ADAMTS5: variants seen among roughly 807,000 people sequenced by gnomAD.
ADAMTS5 encodes ADAM metallopeptidase with thrombospondin type 1 motif 5, also known as A disintegrin and metalloproteinase with thrombospondin motifs 5.
ADAMTS5 carries 54 observed loss-of-function variants against 81.4 expected under a neutral mutation model. That is an observed-to-expected ratio of 0.66 (90% CI 0.53 to 0.83). The LOEUF (loss-of-function observed/expected upper bound fraction) is 0.83, where lower values mean the gene tolerates loss of function less well. Among genes scored for constraint, ADAMTS5 ranks in the 40% least tolerant of loss-of-function variants. The pLI, the probability that ADAMTS5 is intolerant of heterozygous loss-of-function variation, is 0.00. For synonymous variants in ADAMTS5, 532 were observed against 508.8 expected (o/e 1.05, Z -0.61); for missense variants, 1,194 against 1,229.9 (o/e 0.97, Z 0.44).
At chr21:26,929,017 G>A (rs991916313) in intron 7 of ADAMTS5, among the ~76,000 whole-genome samples, 2 of 151,966 alleles carry the variant, frequency 1.3e-5, no homozygotes, top group African/African-American at 2.4e-5. Context: ...AATTAGTAAC[G>A]CATATTTTAA....
At chr21:26,956,979 A>T (rs1434464182) in intron 1 of ADAMTS5, among the ~76,000 whole-genome samples, 1 of 152,188 alleles carries the variant, frequency 6.6e-6, no homozygotes, top group Non-Finnish European at 1.5e-5. Context: ...TTTTAACCAC[A>T]CTGATTAAAC....
intron 6 of ADAMTS5, among the ~76,000 whole-genome samples, chr21:26,930,428 A>C (rs1406616223): frequency 6.6e-6 from 1 of 152,230 alleles, no homozygotes; most frequent in African/African-American, 2.4e-5. Context: ...GAATATGAGC[A>C]GGCTTGAGAA....
chr21:26,954,981 C>T, intron 1 of ADAMTS5, 110 bp from the exon 2 acceptor site: 1 of 1,328,204 alleles, frequency 7.5e-7, no homozygotes, highest in Non-Finnish European at 1.0e-6. Flanking sequence ...TTTATGGTAT[C>T]ACCTGTTCCT....
In ADAMTS5 at chr21:26,966,345, G is replaced by T; in HGVS notation, c.47C>A (p.Pro16His). Residue 16 changes from proline (P) to histidine (H), a missense_variant, in exon 1 of 8, where the codon CCC becomes CAC. Physicochemically the swap from Pro to His is moderately conservative, Grantham distance 77 (BLOSUM62 -2). Coordinates refer to ENST00000284987, the MANE Select transcript of ADAMTS5 (RefSeq NM_007038.5). ...CGCGGCGGGGCCGACCGCGGCCAGG[G>T]GCAGGCGGAACGCGCACAGCAGCAG... ...ASLLLCAFRL[P>H]LAAVGPAATP... is the part of the protein sequence containing the mutation. 6.6e-7 allele frequency: 1 copy of T among 1,503,868 alleles called. No homozygotes were observed. 93.2% of individuals were successfully genotyped at this position (1,503,868 alleles called of 1,614,324 possible). A position where few individuals can be genotyped will look rare whatever the true frequency, so the allele number is the denominator to read the frequency against.
rs765744502 is a variant in ADAMTS5 at position 26,924,584 on chromosome 21, C to G, written c.2262G>C (p.Gly754=). The G allele has an allele frequency of 1.2e-6, 2 of 1,613,712 alleles. No homozygotes were observed. Among genetic ancestry groups the G allele is most frequent in the Non-Finnish European group, 1.7e-6 (2 of 1,179,888 alleles). Residue 754 remains glycine (G), a synonymous_variant, in exon 8 of 8, where the codon GGG becomes GGC. Transcript: ENST00000284987. ...ACTGTCGAACTTTTATGTGGGTTGCCCCTTCAGGAATCCTCACCACGTCAG... is the reference window on the plus strand; with the variant it reads ...ACTGTCGAACTTTTATGTGGGTTGCGCCTTCAGGAATCCTCACCACGTCAG... ...GYTDVVRIPE[G]ATHIKVRQFK... is the part of the protein sequence containing the mutation.
Position 26,934,536 on chromosome 21 carries a change from G to C in ADAMTS5, c.1619C>G (p.Thr540Arg). The C allele has an allele frequency of 1.2e-6, 2 of 1,614,088 alleles. No individual in the cohort carries two copies. The change falls in exon 4 of 8, where the codon ACG (threonine) becomes AGG (arginine). Residue 540 changes from threonine to arginine, a missense_variant. Thr to Arg is a moderately conservative substitution (Grantham distance 71). Around this residue, in one of 2 missense-constraint regions of ADAMTS5, gnomAD observed 696 missense variants for 817.6 expected, o/e 0.85. Transcript: ENST00000284987. ...LTKKLPAVEG[T>R]PCGKGRICLQ... ...GCAGATTCTCCCCTTTCCACAAGGC[G>C]TCCCTTCCACCGCAGGCAGCTTCTT... is the stretch of plus-strand genomic sequence containing the variant.
intron 2 of ADAMTS5, among the ~76,000 whole-genome samples, chr21:26,952,301 A>G (rs992771331): frequency 2.6e-5 from 4 of 152,240 alleles, no homozygotes; most frequent in African/African-American, 9.6e-5. Context: ...TTGTATAACT[A>G]TGTCTAATAT....
At chr21:26,931,291 C>T (rs888105597) in intron 6 of ADAMTS5, among the ~76,000 whole-genome samples, 10 of 152,120 alleles carry the variant, frequency 6.6e-5, no homozygotes, top group Admixed American at 2.0e-4. Context: ...GTGATCTGCC[C>T]GCCTCAGCTT....
Position 26,965,707 on chromosome 21 carries a change from T to C in ADAMTS5, c.685A>G (p.Ser229Gly). Reference sequence around the variant, plus strand: ...TGCGAGGCCAGTGCTGCGCGTCCGCTCGGGTTGCTGTGCGCCGGAGCATGC... The same window carrying C: ...TGCGAGGCCAGTGCTGCGCGTCCGCCCGGGTTGCTGTGCGCCGGAGCATGC... ...HEHAPAHSNP[S>G]GRAALASQLL... is the part of the protein sequence containing the mutation. Residue 229 changes from serine to glycine, a missense_variant, in exon 1 of 8, where the codon AGC becomes GGC. Coordinates refer to ENST00000284987, the MANE Select transcript of ADAMTS5 (RefSeq NM_007038.5). The C allele has an allele frequency of 6.3e-7, 1 of 1,584,148 alleles. No homozygotes were observed. Among genetic ancestry groups the C allele is most frequent in the Non-Finnish European group, 8.6e-7 (1 of 1,167,078 alleles).
chr21:26,943,308 A>G, intron 3 of ADAMTS5, 72 bp downstream of exon 3: 1 of 1,375,106 alleles, frequency 7.3e-7, no homozygotes, highest in African/African-American at 1.4e-5. Flanking sequence ...TATTATGAGG[A>G]TATAATGAAG....
intron 3 of ADAMTS5, among the ~76,000 whole-genome samples, chr21:26,940,259 T>C (rs1472844193): frequency 2.0e-5 from 3 of 152,230 alleles, no homozygotes; most frequent in Non-Finnish European, 2.9e-5. Flanking sequence ...TAGGTACCAT[T>C]GAAAAATTGT....
At chr21:26,936,018 G>C (rs908142836) in intron 3 of ADAMTS5, among the ~76,000 whole-genome samples, 13 of 152,144 alleles carry the variant, frequency 8.5e-5, no homozygotes, top group African/African-American at 3.1e-4. Context: ...AGGAAACTGA[G>C]GCCCATAGGA....
chr21:26,963,604 G>C, intron 1 of ADAMTS5, among the ~76,000 whole-genome samples: 1 of 112,128 alleles, frequency 8.9e-6, no homozygotes, highest in East Asian at 3.1e-4. Context: ...TTGTGATGTA[G>C]CAGAGCAAGG....
Position 26,965,284 on chromosome 21 carries a change from C to G in ADAMTS5, c.1104+4G>C. 6.2e-7 allele frequency: 1 copy of G among 1,605,046 alleles called. No homozygotes were observed. Among genetic ancestry groups the G allele is most frequent in the Non-Finnish European group, 8.5e-7 (1 of 1,173,254 alleles). On this transcript the variant is annotated splice_donor_region_variant and intron_variant, in intron 1 of 7. Coordinates refer to ENST00000284987, the MANE Select transcript of ADAMTS5 (RefSeq NM_007038.5). ...TGGGACCCCCGCATCCCGGCTGGAC[C>G]TACCTCCCGAGTAAACAGGATAGCT...
At position 26,965,677 on chromosome 21, in the gene ADAMTS5, A is replaced by T; in HGVS notation, c.715T>A (p.Leu239Met). Residue 239 changes from leucine to methionine, a missense_variant, in exon 1 of 8, where the codon TTG becomes ATG. By Grantham distance (15) the Leu-to-Met change is conservative. Transcript: ENST00000284987. ...GCGGGCGAGAGAGCGGACTGGTCCA[A>T]GAGCTGCGAGGCCAGTGCTGCGCGT... Reference protein sequence around the residue: ...SGRAALASQLLDQSALSPAGG... With the variant: ...SGRAALASQLMDQSALSPAGG... The T allele has an allele frequency of 6.3e-7, 1 of 1,586,722 alleles. No individual in the cohort carries two copies. Among genetic ancestry groups the T allele is most frequent in the East Asian group, 2.3e-5 (1 of 43,248 alleles).
chr21:26,957,259 A>G (rs1421929040), intron 1 of ADAMTS5, among the ~76,000 whole-genome samples: 1 of 152,234 alleles, frequency 6.6e-6, no homozygotes, highest in Non-Finnish European at 1.5e-5. Context: ...TGTAAACCTT[A>G]TTTGAAGTTT....
At chr21:26,926,254 C>T (rs1986804033) in intron 7 of ADAMTS5, among the ~76,000 whole-genome samples, 1 of 152,186 alleles carries the variant, frequency 6.6e-6, no homozygotes, top group African/African-American at 2.4e-5. Context: ...GAATGAGATC[C>T]TGTCTAAACA....
intron 2 of ADAMTS5, among the ~76,000 whole-genome samples, chr21:26,946,563 A>G (rs925310815): frequency 2.0e-5 from 3 of 152,168 alleles, no homozygotes; most frequent in Non-Finnish European, 4.4e-5. Context: ...TCATTCACAG[A>G]GATGTTTAAA....
chr21:26,929,750 A>C, intron 7 of ADAMTS5, 136 bp downstream of exon 7: 4 of 720,234 alleles, frequency 5.6e-6, no homozygotes, highest in Non-Finnish European at 8.1e-6. Flanking sequence ...TCTCATATTT[A>C]AAATGTGTTT....
Sources: allele counts gnomAD v4.1 joint callset (sites outside exome capture counted in the v4.1 genomes callset), GRCh38; gene constraint gnomAD v4.1.1; regional missense constraint gnomAD v4.1.1; transcripts MANE v1.5; gene names NCBI Gene and HGNC (gene_info 2026-07-23, HGNC 2026-07-21).